Variants in C7orf33 observed in about 807,000 individuals in gnomAD.
C7orf33 encodes the protein uncharacterized protein C7orf33.
Under a neutral mutation model 13.4 loss-of-function variants are expected in C7orf33, and 15 were observed. The ratio of observed to expected loss-of-function variants is 1.12; its 90% CI spans 0.75 to 1.72. C7orf33 has a LOEUF of 1.72. Ranked by LOEUF, C7orf33 falls within the 40% of genes most tolerant of loss-of-function variation. The pLI, the probability that C7orf33 is intolerant of heterozygous loss-of-function variation, is 0.00. For missense variants in C7orf33, 187 were observed against 220.3 expected (o/e 0.85, Z 0.96); for synonymous variants, 73 against 83.2 (o/e 0.88, Z 0.67).
In C7orf33 at chr7:148,614,229, C is replaced by G; in HGVS notation, c.392C>G (p.Ser131Cys). ...SSDPVVGTLSSSYLDLLTLSY... is the reference protein window; with the variant it reads ...SSDPVVGTLSCSYLDLLTLSY... ...GATCCAGTTGTCGGCACCTTGTCTT[C>G]CAGTTACCTAGATCTGCTAACTCTC... Residue 131 changes from serine to cysteine, a missense_variant, in exon 2 of 3, where the codon TCC becomes TGC. Physicochemically the swap from Ser to Cys is moderately radical, Grantham distance 112. Transcript: ENST00000307003. The G allele has an allele frequency of 1.2e-6, 2 of 1,614,178 alleles. No individual in the cohort carries two copies. Among genetic ancestry groups the G allele is most frequent in the Non-Finnish European group, 1.7e-6 (2 of 1,180,010 alleles).
chr7:148,604,399 T>G (rs1287964241), intron 1 of C7orf33, among the ~76,000 whole-genome samples: 2 of 152,196 alleles, frequency 1.3e-5, no homozygotes, highest in Non-Finnish European at 2.9e-5. Flanking sequence ...AGTGCTGGGA[T>G]TACAGGCGTG....
chr7:148,613,791 G>C (rs942337309), intron 1 of C7orf33, among the ~76,000 whole-genome samples: 1 of 152,070 alleles, frequency 6.6e-6, no homozygotes, highest in Non-Finnish European at 1.5e-5. Context: ...ACCTTGAATT[G>C]GTGTATTACC....
chr7:148,612,479 G>A (rs919843385), intron 1 of C7orf33, among the ~76,000 whole-genome samples: 1 of 152,150 alleles, frequency 6.6e-6, no homozygotes, highest in African/African-American at 2.4e-5. Flanking sequence ...TGCAGAATGG[G>A]AGAAAATATT....
At chr7:148,601,782 C>G (rs76137368) in intron 1 of C7orf33, among the ~76,000 whole-genome samples, 2,412 of 152,220 alleles carry the variant, frequency 0.016, 89 homozygotes, top group Admixed American at 0.078. Context: ...CGGTCTTGCT[C>G]TGTTGCTCAG....
At chr7:148,614,338 C>T in intron 2 of C7orf33, 42 bp downstream of exon 2, 4 of 1,579,830 alleles carry the variant, frequency 2.5e-6, no homozygotes, top group Non-Finnish European at 3.5e-6. Flanking sequence ...TTTAAGGAAA[C>T]CCACGGGATG....
Position 148,595,750 on chromosome 7 carries a change from AAT to A in C7orf33, c.204+4634_204+4635del, listed in dbSNP as rs200865207. Among the ~76,000 whole-genome samples the A allele has an allele frequency of 3.8e-3, 531 of 138,794 alleles. 9 individuals carry two copies. Among genetic ancestry groups the A allele is most frequent in the African/African-American group, 0.014 (508 of 35,678 alleles). The allele number at this position is 138,794 out of a possible 152,430, so 91.1% of individuals were successfully genotyped here. A position where few individuals can be genotyped will look rare whatever the true frequency, so the allele number is the denominator to read the frequency against. On this transcript the variant is annotated intron_variant, in intron 1 of 2. Transcript: ENST00000307003. ...ATATACATCTATGTTATATAGATAT[AAT>A]ATATATATATATCTATATCTCAAGC...
chr7:148,612,679 G>T (rs896192212), intron 1 of C7orf33, among the ~76,000 whole-genome samples: 1 of 152,018 alleles, frequency 6.6e-6, no homozygotes, highest in Non-Finnish European at 1.5e-5. Flanking sequence ...ATCAAAGCCA[G>T]AATTAAAACC....
intron 1 of C7orf33, among the ~76,000 whole-genome samples, chr7:148,600,820 T>TTTTC (rs1796404223): frequency 6.8e-6 from 1 of 148,116 alleles, no homozygotes; most frequent in Non-Finnish European, 1.5e-5. Context: ...TTTTTTTTTT[T>TTTTC]GAGACGGAGT....
At chr7:148,597,730 A>ATTTGT (rs60207753) in intron 1 of C7orf33, among the ~76,000 whole-genome samples, 32,922 of 148,494 alleles carry the variant, frequency 0.22, 3,847 homozygotes, top group East Asian at 0.24. Flanking sequence ...CTTCCTCTGC[A>ATTTGT]TTTGTTTTGT....
At chr7:148,595,595 TAGATATA>T (rs1796326342) in intron 1 of C7orf33, among the ~76,000 whole-genome samples, 3 of 131,932 alleles carry the variant, frequency 2.3e-5, no homozygotes, top group Non-Finnish European at 4.6e-5. Context: ...CTATATTATA[TAGATATA>T]CATATTATAT....
chr7:148,601,920 TTTA>T (rs200547093), intron 1 of C7orf33, among the ~76,000 whole-genome samples: 2,569 of 152,016 alleles, frequency 0.017, 78 homozygotes, highest in African/African-American at 0.059. Context: ...GCTGATTTTT[TTTA>T]TTTTTTGTAG....
chr7:148,602,564 C>G, intron 1 of C7orf33, among the ~76,000 whole-genome samples: 1 of 152,122 alleles, frequency 6.6e-6, no homozygotes, highest in Non-Finnish European at 1.5e-5. Context: ...TGCCACTGCA[C>G]TTCAGCCTAG....
intron 1 of C7orf33, among the ~76,000 whole-genome samples, chr7:148,612,867 T>C (rs561137088): frequency 9.2e-5 from 14 of 151,920 alleles, no homozygotes; most frequent in African/African-American, 2.9e-4. Flanking sequence ...CCCTTTTATT[T>C]TTAGTTGGCA....
chr7:148,594,449 T>C (rs1796306156), intron 1 of C7orf33, among the ~76,000 whole-genome samples: 1 of 152,120 alleles, frequency 6.6e-6, no homozygotes. Context: ...GTGCTGGGAT[T>C]ACAGGCGTGA....
At chr7:148,599,794 A>T (rs1796392443) in intron 1 of C7orf33, among the ~76,000 whole-genome samples, 1 of 152,110 alleles carries the variant, frequency 6.6e-6, no homozygotes, top group Non-Finnish European at 1.5e-5. Flanking sequence ...GATTTCTTAA[A>T]GTCCACCCTG....
intron 1 of C7orf33, among the ~76,000 whole-genome samples, chr7:148,593,284 T>C (rs11983721): frequency 0.013 from 1,938 of 152,292 alleles, 33 homozygotes; most frequent in African/African-American, 0.044. Context: ...CATTTTGAGA[T>C]GGAGTCTTGC....
chr7:148,597,584 A>G (rs1001128823), intron 1 of C7orf33, among the ~76,000 whole-genome samples: 5 of 152,106 alleles, frequency 3.3e-5, no homozygotes, highest in African/African-American at 1.2e-4. Flanking sequence ...ACCCTGCCCA[A>G]AAATATTTTT....
Position 148,609,003 on chromosome 7 carries a change from T to C in C7orf33, c.205-5039T>C, listed in dbSNP as rs532438063. On this transcript the variant is annotated intron_variant, in intron 1 of 2. Transcript: ENST00000307003. ...TGGCAAATATTGTTGCTGATCTACC[T>C]GGGATAAGAGCTTAAGGTTCATTCT... Among the ~76,000 whole-genome samples, 388 of 151,798 alleles carry C rather than the reference T, an allele frequency of 2.6e-3. 2 individuals carry two copies. The highest frequency in any genetic ancestry group is 8.9e-3 in the African/African-American group (369 of 41,386).
At chr7:148,612,923 A>G (rs1796561558) in intron 1 of C7orf33, among the ~76,000 whole-genome samples, 1 of 152,012 alleles carries the variant, frequency 6.6e-6, no homozygotes. Flanking sequence ...ACATGTATAC[A>G]ATGTGTAATG....
Sources: gnomAD v4.1 joint callset for allele counts (sites outside exome capture counted in the v4.1 genomes callset) on GRCh38, gnomAD v4.1.1 for gene constraint, MANE v1.5 for transcripts, NCBI Gene and HGNC (gene_info 2026-07-23, HGNC 2026-07-21) for gene names.